Variants in YLPM1 observed in about 807,000 individuals in gnomAD.
The protein encoded by YLPM1 is YLP motif-containing protein 1.
A neutral mutation model predicts 230.0 loss-of-function variants in YLPM1; 99 were observed. The observed-to-expected ratio is 0.43, with a 90% CI of 0.37 to 0.51. The LOEUF (loss-of-function observed/expected upper bound fraction) is 0.51. Ranked by LOEUF, YLPM1 falls within the 20% of genes least tolerant of loss-of-function variation. The probability of loss-of-function intolerance (pLI) is 0.00; values close to 1 mark genes in which losing one functional copy is unlikely to be tolerated. For missense variants in YLPM1, 2,592 were observed against 2,707.7 expected, an observed-to-expected ratio of 0.96 and a Z score of 0.95; for synonymous variants, 984 against 942.5, an observed-to-expected ratio of 1.04 and a Z score of -0.81.
Position 74,812,742 on chromosome 14 carries a change from A to T in YLPM1, c.5462A>T (p.Asp1821Val), listed in dbSNP as rs2091445592. 1 of 1,613,556 alleles carries T rather than the reference A, an allele frequency of 6.2e-7. No homozygotes were observed. The highest frequency in any genetic ancestry group is 1.1e-5 in the South Asian group (1 of 90,972). ...AAGCCTGAATCAAAGAATGTGGACGATATTTTGAAACCACCGGGCCGGGAG... is the reference window on the plus strand; with the variant it reads ...AAGCCTGAATCAAAGAATGTGGACGTTATTTTGAAACCACCGGGCCGGGAG... ...EKKPESKNVDDILKPPGRESR... is the reference protein window; with the variant it reads ...EKKPESKNVDVILKPPGRESR... The change falls in exon 11 of 21, where the codon GAT becomes GTT. Residue 1821 changes from aspartate (D) to valine (V), a missense_variant. This residue lies in a region of YLPM1 where 315 missense variants were observed against 429.3 expected (regional missense o/e 0.73). Coordinates refer to ENST00000325680, the MANE Select transcript of YLPM1 (RefSeq NM_019589.3).
At chr14:74,808,624 GA>G (rs1226639334) in intron 6 of YLPM1, among the ~76,000 whole-genome samples, 1 of 152,012 alleles carries the variant, frequency 6.6e-6, no homozygotes, top group Non-Finnish European at 1.5e-5. Context: ...CCAACATAGT[GA>G]AACCCCATCT....
At position 74,781,371 on chromosome 14, in the gene YLPM1, T is replaced by C; in HGVS notation, c.1328T>C (p.Met443Thr). The C allele has an allele frequency of 1.3e-6, 2 of 1,581,560 alleles. No individual in the cohort carries two copies. Among genetic ancestry groups the C allele is most frequent in the Non-Finnish European group, 1.7e-6 (2 of 1,162,706 alleles). The change falls in exon 4 of 21, where the codon ATG becomes ACG. Residue 443 changes from methionine to threonine, a missense_variant. This residue lies in a region of YLPM1 where 1,862 missense variants were observed against 1,819.8 expected (regional missense o/e 1.02). Coordinates refer to ENST00000325680, the MANE Select transcript of YLPM1 (RefSeq NM_019589.3). ...SVDMQLRHYE[M>T]QQQQFQHLYQ... Reference sequence around the variant, plus strand: ...GATATGCAGCTGCGGCATTATGAGATGCAGCAGCAACAGTTTCAACATCTT... The same window carrying C: ...GATATGCAGCTGCGGCATTATGAGACGCAGCAGCAACAGTTTCAACATCTT...
At chr14:74,828,277 C>T (rs1213330781) in intron 18 of YLPM1, among the ~76,000 whole-genome samples, 1 of 152,112 alleles carries the variant, frequency 6.6e-6, no homozygotes, top group Non-Finnish European at 1.5e-5. Context: ...GGCTTTTCTT[C>T]ATTGGCCTGC....
At position 74,763,348 on chromosome 14, in the gene YLPM1, G is replaced by A. The variant is rs571157157; in HGVS notation, c.-142G>A. On this transcript the variant is annotated 5_prime_UTR_variant, in exon 1 of 21. Transcript: ENST00000325680. Reference sequence around the variant, plus strand: ...GTCGCGGGCCCAGCTCGGGAGCGCCGGCGCACTGGCGCGCTCCGTTTACAC... The same window carrying A: ...GTCGCGGGCCCAGCTCGGGAGCGCCAGCGCACTGGCGCGCTCCGTTTACAC... 2.8e-6 allele frequency: 3 copies of A among 1,052,726 alleles called. No individual in the cohort carries two copies. The highest frequency in any genetic ancestry group is 4.2e-5 in the Admixed American group (1 of 23,856). The allele number at this position is 1,052,726 out of a possible 1,614,324, so 65.2% of individuals were successfully genotyped here.
Position 74,764,205 on chromosome 14 carries a change from A to G in YLPM1, c.716A>G (p.His239Arg), listed in dbSNP as rs780054286. Residue 239 changes from histidine to arginine, a missense_variant, in exon 1 of 21, where the codon CAT becomes CGT. By Grantham distance (29) the His-to-Arg change is conservative. Transcript: ENST00000325680. Reference sequence around the variant, plus strand: ...TCTCCTTCCCGCCCCTCCCAGGGCCATTCTAAATCCCAACTACTAGCTCCA... The same window carrying G: ...TCTCCTTCCCGCCCCTCCCAGGGCCGTTCTAAATCCCAACTACTAGCTCCA... ...QASPSRPSQG[H>R]SKSQLLAPPP... The G allele has an allele frequency of 6.2e-7, 1 of 1,612,322 alleles. No individual in the cohort carries two copies. Among genetic ancestry groups the G allele is most frequent in the South Asian group, 1.1e-5 (1 of 90,968 alleles).
chr14:74,819,870 A>C (rs2091507411), intron 16 of YLPM1, among the ~76,000 whole-genome samples: 1 of 151,390 alleles, frequency 6.6e-6, no homozygotes, highest in Non-Finnish European at 1.5e-5. Flanking sequence ...CCTGCTTCTC[A>C]CTCTTTAAAA....
chr14:74,785,782 T>G (rs1408924071), intron 4 of YLPM1, among the ~76,000 whole-genome samples: 1 of 152,190 alleles, frequency 6.6e-6, no homozygotes, highest in African/African-American at 2.4e-5. Flanking sequence ...AAATCCAGAT[T>G]TAAGCTGCTT....
At chr14:74,781,253 C>A in intron 3 of YLPM1, 81 bp from the exon 4 acceptor site, 5 of 1,411,274 alleles carry the variant, frequency 3.5e-6, no homozygotes, top group Non-Finnish European at 4.7e-6. Context: ...CGTCAAATGC[C>A]CTTGATTCAT....
intron 18 of YLPM1, among the ~76,000 whole-genome samples, chr14:74,826,646 G>A (rs1439818023): frequency 6.6e-6 from 1 of 152,216 alleles, no homozygotes; most frequent in Non-Finnish European, 1.5e-5. Flanking sequence ...AGTTCAGCCT[G>A]TGCCTGAATG....
chr14:74,770,160 C>T (rs1212564345), intron 1 of YLPM1, among the ~76,000 whole-genome samples: 22 of 150,242 alleles, frequency 1.5e-4, no homozygotes, highest in African/African-American at 5.4e-4. Flanking sequence ...CCAGCCTGGG[C>T]GACAGAGTGA....
chr14:74,789,622 T>C (rs1040913137), intron 4 of YLPM1, among the ~76,000 whole-genome samples: 4 of 150,650 alleles, frequency 2.7e-5, no homozygotes, highest in African/African-American at 4.9e-5. Flanking sequence ...TTTTTTTTTT[T>C]CACATTTAAA....
chr14:74,763,691 C>A lies in YLPM1; in HGVS notation c.202C>A (p.His68Asn). The change falls in exon 1 of 21, where the codon CAC (histidine) becomes AAC (asparagine). Residue 68 changes from histidine (H) to asparagine (N), a missense_variant. Physicochemically the swap from His to Asn is moderately conservative, Grantham distance 68. Transcript: ENST00000325680. ...LAQLQQLQQMHQKQMQCVLQP... is the reference protein window; with the variant it reads ...LAQLQQLQQMNQKQMQCVLQP... ...GCAGCTCCAGCAGCTGCAGCAGATG[C>A]ACCAGAAGCAAATGCAGTGCGTGCT... 6.4e-7 allele frequency: 1 copy of A among 1,567,764 alleles called. No homozygotes were observed. The highest frequency in any genetic ancestry group is 1.1e-5 in the South Asian group (1 of 87,466).
intron 1 of YLPM1, among the ~76,000 whole-genome samples, chr14:74,770,454 T>C (rs887076258): frequency 1.3e-5 from 2 of 151,912 alleles, no homozygotes; most frequent in African/African-American, 4.8e-5. Flanking sequence ...TGAAATTCTG[T>C]CTCTACTACA....
chr14:74,771,594 G>A (rs772924632), intron 1 of YLPM1, among the ~76,000 whole-genome samples: 4 of 152,196 alleles, frequency 2.6e-5, no homozygotes, highest in Admixed American at 2.6e-4. Flanking sequence ...GGAGGGAGTC[G>A]TCAGCTGTGT....
chr14:74,768,570 A>C (rs1235333310), intron 1 of YLPM1, among the ~76,000 whole-genome samples: 1 of 152,092 alleles, frequency 6.6e-6, no homozygotes, highest in Non-Finnish European at 1.5e-5. Context: ...TTGAATAATT[A>C]ATTTTTCTAT....
chr14:74,810,412 A>T lies in YLPM1; in HGVS notation c.5220A>T (p.Arg1740=). 6.2e-7 allele frequency: 1 copy of T among 1,613,820 alleles called. No homozygotes were observed. Among genetic ancestry groups the T allele is most frequent in the African/African-American group, 1.3e-5 (1 of 75,010 alleles). Residue 1740 remains arginine, a synonymous_variant, in exon 9 of 21, where the codon CGA becomes CGT. Coordinates refer to ENST00000325680, the MANE Select transcript of YLPM1 (RefSeq NM_019589.3). ...GATTTGACAGAGAACGCCGACCCCGAGATGATAGGTATGCTATAAAACAAT... is the reference window on the plus strand; with the variant it reads ...GATTTGACAGAGAACGCCGACCCCGTGATGATAGGTATGCTATAAAACAAT... ...RDRFDRERRP[R]DDRAQSYRDK...
intron 19 of YLPM1, among the ~76,000 whole-genome samples, chr14:74,832,466 TTTG>T (rs1467133004): frequency 6.7e-6 from 1 of 148,224 alleles, no homozygotes; most frequent in Non-Finnish European, 1.5e-5. Context: ...TCATTTGTTT[TTTG>T]TTTTTTTGTT....
At chr14:74,775,983 G>A (rs2091033132) in intron 1 of YLPM1, among the ~76,000 whole-genome samples, 1 of 152,134 alleles carries the variant, frequency 6.6e-6, no homozygotes, top group Non-Finnish European at 1.5e-5. Context: ...TACAATTGTA[G>A]TAGAATCATA....
intron 1 of YLPM1, among the ~76,000 whole-genome samples, chr14:74,770,723 G>A (rs1489658834): frequency 6.6e-6 from 1 of 152,172 alleles, no homozygotes; most frequent in Non-Finnish European, 1.5e-5. Flanking sequence ...GAGGATGGTA[G>A]GTATGAACTA....
Sources: allele counts gnomAD v4.1 joint callset (sites outside exome capture counted in the v4.1 genomes callset), GRCh38; gene constraint gnomAD v4.1.1; regional missense constraint gnomAD v4.1.1; transcripts MANE v1.5; gene names NCBI Gene and HGNC (gene_info 2026-07-23, HGNC 2026-07-21).